ZNF737: variants seen among roughly 807,000 people sequenced by gnomAD.
ZNF737 encodes the protein zinc finger protein 102 (Y3).
A neutral mutation model predicts 11.7 loss-of-function variants in ZNF737; 13 were observed. The observed-to-expected ratio is 1.11, with a 90% CI of 0.73 to 1.77. ZNF737 has a LOEUF of 1.77. Among genes scored for constraint, ZNF737 ranks in the 40% most tolerant of loss-of-function variants. The pLI is 0.00. For missense variants in ZNF737, 636 were observed against 638.0 expected, an observed-to-expected ratio of 1.00 and a Z score of 0.03; for synonymous variants, 217 against 216.2, an observed-to-expected ratio of 1.00 and a Z score of -0.03.
At chr19:20,562,093 G>C (rs1393318798) in intron 1 of ZNF737, among the ~76,000 whole-genome samples, 1 of 152,028 alleles carries the variant, frequency 6.6e-6, no homozygotes, top group East Asian at 1.9e-4. Context: ...TTATGACTTA[G>C]TGCTCTCTTT....
intron 2 of ZNF737, among the ~76,000 whole-genome samples, 185 bp downstream of exon 2, chr19:20,553,524 T>C (rs1968772841): frequency 6.6e-6 from 1 of 152,000 alleles, no homozygotes. Context: ...CCTCCCAAAG[T>C]GCTGGGATTA....
In ZNF737 at chr19:20,553,830, T is replaced by C. The variant is rs782300363; in HGVS notation, c.9A>G (p.Pro3=). The C allele has an allele frequency of 6.2e-7, 1 of 1,613,290 alleles. No individual in the cohort carries two copies. The highest frequency in any genetic ancestry group is 1.1e-5 in the South Asian group (1 of 90,926). The change falls in exon 2 of 4, where the codon CCA becomes CCG. Residue 3 remains proline, a synonymous_variant. Transcript: ENST00000427401. ...CTATGGCCACGTCTCTAAATTGCAA[T>C]GGCCCCTGAAACACACACACAACAT... is the stretch of plus-strand genomic sequence containing the variant. MG[P]LQFRDVAIEF...
At chr19:20,562,957 C>T (rs1555762858) in intron 1 of ZNF737, among the ~76,000 whole-genome samples, 1 of 151,540 alleles carries the variant, frequency 6.6e-6, no homozygotes, top group African/African-American at 2.4e-5. Context: ...CTCCCACCTC[C>T]TTTCTAATCT....
chr19:20,539,558 G>GA lies in ZNF737; in HGVS notation c.*5033dup, dbSNP rs1555754664. ...TTCTCTAATGTTACCTTGGTCATGT[G>GA]AATCTAAAAGAAACTATCTACATAA... On this transcript the variant is annotated 3_prime_UTR_variant, in exon 4 of 4. Coordinates refer to ENST00000427401, the MANE Select transcript of ZNF737 (RefSeq NM_001159293.2). The GA allele has an allele frequency of 1.0e-6, 1 of 983,030 alleles. No homozygotes were observed. The highest frequency in any genetic ancestry group is 1.2e-6 in the Non-Finnish European group (1 of 827,938). 60.9% of individuals were successfully genotyped at this position (983,030 alleles called of 1,614,324 possible).
downstream of ZNF737, chr19:20,536,186 C>G (rs1555753800): frequency 1.4e-6 from 1 of 728,394 alleles, no homozygotes. Context: ...AGTAACCCTT[C>G]TAGTAAAATA....
At chr19:20,552,409 C>T in intron 3 of ZNF737, 66 bp downstream of exon 3, 1 of 1,171,746 alleles carries the variant, frequency 8.5e-7, no homozygotes, top group Non-Finnish European at 1.2e-6. Context: ...TAAGGACTGG[C>T]TTTCTCTTTG....
chr19:20,546,126 G>A (rs1432748489), intron 3 of ZNF737, 150 bp from the exon 4 acceptor site: 3 of 1,122,094 alleles, frequency 2.7e-6, no homozygotes, highest in African/African-American at 3.2e-5. Flanking sequence ...ATACATAAAT[G>A]TAACAAAAGT....
chr19:20,563,466 A>ATG (rs1969179015), intron 1 of ZNF737, among the ~76,000 whole-genome samples: 1 of 147,676 alleles, frequency 6.8e-6, no homozygotes, highest in Non-Finnish European at 1.5e-5. Flanking sequence ...CACAGTGTTT[A>ATG]CATAAGAAGG....
chr19:20,563,859 T>G (rs1392252594), intron 1 of ZNF737, among the ~76,000 whole-genome samples: 1 of 152,184 alleles, frequency 6.6e-6, no homozygotes, highest in African/African-American at 2.4e-5. Context: ...ATGTATTATT[T>G]TATTATTTAT....
At position 20,543,740 on chromosome 19, in the gene ZNF737, T is replaced by A. The variant is rs1029851336; in HGVS notation, c.*852A>T. The A allele has an allele frequency of 1.3e-5, 13 of 985,266 alleles. No individual in the cohort carries two copies. The highest frequency in any genetic ancestry group is 1.6e-5 in the Non-Finnish European group (13 of 829,912). 61.0% of individuals were successfully genotyped at this position (985,266 alleles called of 1,614,324 possible). On this transcript the variant is annotated 3_prime_UTR_variant, in exon 4 of 4. Transcript: ENST00000427401. ...ACACTAGTATAATTATTGTTATGTG[T>A]AGAGAAGTTGGAGGTGTTCGTAAAA... is the stretch of plus-strand genomic sequence containing the variant.
intron 1 of ZNF737, among the ~76,000 whole-genome samples, chr19:20,561,348 A>AG (rs1183808074): frequency 1.1e-4 from 17 of 152,030 alleles, no homozygotes; most frequent in African/African-American, 4.1e-4. Flanking sequence ...GAAGGTCCTG[A>AG]GGGTGGTGCC....
chr19:20,543,316 A>C lies in ZNF737; in HGVS notation c.*1276T>G, dbSNP rs1968296383. Reference sequence around the variant, plus strand: ...CTTTAGGATTTTCCTCCAGTACAAAATGTGTGCAATAAGATCTGTGATACT... The same window carrying C: ...CTTTAGGATTTTCCTCCAGTACAAACTGTGTGCAATAAGATCTGTGATACT... On this transcript the variant is annotated 3_prime_UTR_variant, in exon 4 of 4. Coordinates refer to ENST00000427401, the MANE Select transcript of ZNF737 (RefSeq NM_001159293.2). 4.1e-6 allele frequency: 4 copies of C among 985,796 alleles called. No individual in the cohort carries two copies. In the South Asian group the frequency reaches 1.9e-4, roughly 46 times the overall value. The allele number at this position is 985,796 out of a possible 1,614,324, so 61.1% of individuals were successfully genotyped here.
rs782443776 is a variant in ZNF737 at position 20,543,570 on chromosome 19, G to T, written c.*1022C>A. 7.1e-6 allele frequency: 7 copies of T among 985,360 alleles called. No individual in the cohort carries two copies. The highest frequency in any genetic ancestry group is 8.4e-6 in the Non-Finnish European group (7 of 829,912). The allele number at this position is 985,360 out of a possible 1,614,324, so 61.0% of individuals were successfully genotyped here. A position where few individuals can be genotyped will look rare whatever the true frequency, so the allele number is the denominator to read the frequency against. ...TTTTCTCAAGGATACTAGCTTTTCT[G>T]TGAGATAAGGTGTAAGAACTGATTA... is the stretch of plus-strand genomic sequence containing the variant. On this transcript the variant is annotated 3_prime_UTR_variant, in exon 4 of 4. Coordinates refer to ENST00000427401, the MANE Select transcript of ZNF737 (RefSeq NM_001159293.2).
In ZNF737 at chr19:20,538,998, C is replaced by T. The variant is rs1968089988; in HGVS notation, c.*5594G>A. On this transcript the variant is annotated 3_prime_UTR_variant, in exon 4 of 4. Transcript: ENST00000427401. ...GTGTACATAATGTGCATTTTCCTGC[C>T]TACCAAAATTATTCTGGCTGGGAAA... is the stretch of plus-strand genomic sequence containing the variant. 1.0e-6 allele frequency: 1 copy of T among 985,146 alleles called. No individual in the cohort carries two copies. The highest frequency in any genetic ancestry group is 1.2e-6 in the Non-Finnish European group (1 of 829,910). The allele number at this position is 985,146 out of a possible 1,614,324, so 61.0% of individuals were successfully genotyped here. A position where few individuals can be genotyped will look rare whatever the true frequency, so the allele number is the denominator to read the frequency against.
chr19:20,543,316 A>G lies in ZNF737; in HGVS notation c.*1276T>C. On this transcript the variant is annotated 3_prime_UTR_variant, in exon 4 of 4. Transcript: ENST00000427401. ...CTTTAGGATTTTCCTCCAGTACAAA[A>G]TGTGTGCAATAAGATCTGTGATACT... The G allele has an allele frequency of 1.0e-6, 1 of 985,914 alleles. No homozygotes were observed. The highest frequency in any genetic ancestry group is 1.2e-6 in the Non-Finnish European group (1 of 829,868). The allele number at this position is 985,914 out of a possible 1,614,324, so 61.1% of individuals were successfully genotyped here.
At chr19:20,534,353 A>T (rs1232752319), downstream of ZNF737, among the ~76,000 whole-genome samples, 3 of 149,912 alleles carry the variant, frequency 2.0e-5, 1 homozygote, top group Non-Finnish European at 4.4e-5. Flanking sequence ...GAAGCAGCAG[A>T]ATCGCTTTAA....
chr19:20,551,429 C>CAA (rs59406979), intron 3 of ZNF737, among the ~76,000 whole-genome samples: 38 of 102,280 alleles, frequency 3.7e-4, no homozygotes, highest in African/African-American at 8.1e-4. Flanking sequence ...AACCCCATCT[C>CAA]AAAAAAAAAA....
At position 20,562,170 on chromosome 19, in the gene ZNF737, G is replaced by A. The variant is rs148071752; in HGVS notation, c.3+3468C>T. Among the ~76,000 whole-genome samples the A allele has an allele frequency of 3.0e-3, 453 of 151,926 alleles. 1 individual carries two copies. The highest frequency in any genetic ancestry group is 4.5e-3 in the Non-Finnish European group (306 of 67,984). Reference sequence around the variant, plus strand: ...CTCCTTTTTCTCATTAAAAAAATCAGCTGAATTTGTCTTCAGCGCTCAAAA... The same window carrying A: ...CTCCTTTTTCTCATTAAAAAAATCAACTGAATTTGTCTTCAGCGCTCAAAA... On this transcript the variant is annotated intron_variant, in intron 1 of 3. Transcript: ENST00000427401.
rs370945814 is a variant in ZNF737 at position 20,563,061 on chromosome 19, A to AT, written c.3+2576dup. 3.8e-4 allele frequency among the ~76,000 whole-genome samples: 57 copies of AT among 149,076 alleles called. No individual in the cohort carries two copies. The Middle Eastern group carries it at 0.018, about 46-fold the overall frequency. Reference sequence around the variant, plus strand: ...TTAGTTGGTATTTTCTGCTGTTGCAATTTTTTTTGGAATTCATTTTTTTAA... The same window carrying AT: ...TTAGTTGGTATTTTCTGCTGTTGCAATTTTTTTTTGGAATTCATTTTTTTAA... On this transcript the variant is annotated intron_variant, in intron 1 of 3. Coordinates refer to ENST00000427401, the MANE Select transcript of ZNF737 (RefSeq NM_001159293.2).
Sources: allele counts gnomAD v4.1 joint callset (sites outside exome capture counted in the v4.1 genomes callset), GRCh38; gene constraint gnomAD v4.1.1; transcripts MANE v1.5; gene names NCBI Gene and HGNC (gene_info 2026-07-23, HGNC 2026-07-21).